MICAL2: variants seen among roughly 807,000 people sequenced by gnomAD.
MICAL2 encodes [F-actin]-monooxygenase MICAL2.
MICAL2 carries 77 observed loss-of-function variants against 127.3 expected under a neutral mutation model. The ratio of observed to expected loss-of-function variants is 0.60; its 90% CI spans 0.50 to 0.73. The LOEUF (loss-of-function observed/expected upper bound fraction) is 0.73, where lower values mean the gene tolerates loss of function less well. Among genes scored for constraint, MICAL2 ranks in the 30% least tolerant of loss-of-function variants. The pLI is 0.00. For missense variants in MICAL2, 1,351 were observed against 1,434.4 expected (o/e 0.94, Z 0.94); for synonymous variants, 570 against 551.1 (o/e 1.03, Z -0.48).
chr11:12,202,122 C>CA lies in MICAL2; in HGVS notation c.265-2116dup, dbSNP rs5789719. Among the ~76,000 whole-genome samples, 6 of 148,322 alleles carry CA rather than the reference C, an allele frequency of 4.0e-5. No homozygotes were observed. In the East Asian group the frequency reaches 7.9e-4, roughly 20 times the overall value. ...GGGCAACAAGAGTGAAACTGTGTCTCAAAAAAAAAAAAGACTTTTACCATT... is the reference window on the plus strand; with the variant it reads ...GGGCAACAAGAGTGAAACTGTGTCTCAAAAAAAAAAAAAGACTTTTACCATT... On this transcript the variant is annotated intron_variant, in intron 3 of 27. Transcript: ENST00000683283.
intron 21 of MICAL2, among the ~76,000 whole-genome samples, chr11:12,245,579 A>C (rs932902466): frequency 6.6e-6 from 1 of 152,214 alleles, no homozygotes; most frequent in Non-Finnish European, 1.5e-5. Flanking sequence ...GAGAAACGCT[A>C]ACAGGATCTT....
chr11:12,360,329 C>A (rs1939188960), downstream of MICAL2, among the ~76,000 whole-genome samples: 1 of 152,042 alleles, frequency 6.6e-6, no homozygotes, highest in Non-Finnish European at 1.5e-5. Flanking sequence ...GACCTATTAG[C>A]ACTAAGAAAT....
At chr11:12,128,246 A>T (rs1228788076) in intron 1 of MICAL2, among the ~76,000 whole-genome samples, 1 of 152,270 alleles carries the variant, frequency 6.6e-6, no homozygotes, top group Non-Finnish European at 1.5e-5. Flanking sequence ...CTTACCTTGA[A>T]GAAAATGATT....
intron 2 of MICAL2, among the ~76,000 whole-genome samples, chr11:12,159,808 A>G (rs955130483): frequency 6.6e-6 from 1 of 152,222 alleles, no homozygotes; most frequent in Non-Finnish European, 1.5e-5. Context: ...AACATTGCAC[A>G]TGGGGAAAGT....
At chr11:12,154,439 G>C (rs1335805650) in intron 2 of MICAL2, among the ~76,000 whole-genome samples, 1 of 152,108 alleles carries the variant, frequency 6.6e-6, no homozygotes. Flanking sequence ...ATGTAAGAGG[G>C]GTTGTAAAAG....
intron 32 of MICAL2, among the ~76,000 whole-genome samples, chr11:12,329,695 G>C (rs1221985927): frequency 6.6e-6 from 1 of 152,078 alleles, no homozygotes; most frequent in Non-Finnish European, 1.5e-5. Flanking sequence ...TATTGCCTAG[G>C]TTGTAGGCAT....
intron 3 of MICAL2, among the ~76,000 whole-genome samples, chr11:12,186,423 G>A (rs1225155008): frequency 6.6e-6 from 1 of 152,146 alleles, no homozygotes; most frequent in Non-Finnish European, 1.5e-5. Context: ...TTTGTAAAAG[G>A]CATCATAATT....
intron 1 of MICAL2, among the ~76,000 whole-genome samples, chr11:12,123,670 A>G (rs12790969): frequency 0.41 from 62,359 of 151,948 alleles, 13,491 homozygotes; most frequent in African/African-American, 0.56. Flanking sequence ...GGGTTTTAAG[A>G]CACATTCTGC....
chr11:12,153,164 C>A (rs1228008099), intron 2 of MICAL2: 1 of 151,676 alleles, frequency 6.6e-6, no homozygotes, highest in South Asian at 2.1e-4. Flanking sequence ...CCAAGTACCA[C>A]AAGTGGGACC....
At chr11:12,298,803 A>G (rs1590727783) in intron 29 of MICAL2, among the ~76,000 whole-genome samples, 2 of 152,276 alleles carry the variant, frequency 1.3e-5, no homozygotes, top group Admixed American at 1.3e-4. Context: ...TCGTAGATTT[A>G]TGGGTATTGA....
chr11:12,131,934 A>G (rs1851451137), intron 1 of MICAL2, among the ~76,000 whole-genome samples: 1 of 152,216 alleles, frequency 6.6e-6, no homozygotes, highest in Non-Finnish European at 1.5e-5. Flanking sequence ...AACATATGGC[A>G]GCCTTTGTTA....
chr11:12,220,077 TTA>T (rs923606165), intron 8 of MICAL2, 122 bp from the exon 9 acceptor site: 8 of 1,137,238 alleles, frequency 7.0e-6, no homozygotes, highest in African/African-American at 4.6e-5. Context: ...GTCCTGGTTT[TTA>T]TATGTCTTTT....
intron 29 of MICAL2, among the ~76,000 whole-genome samples, chr11:12,297,555 A>G (rs531695834): frequency 1.3e-5 from 2 of 152,140 alleles, no homozygotes; most frequent in African/African-American, 4.8e-5. Context: ...TTTTTATTGC[A>G]TGTCTTCTGG....
chr11:12,201,856 C>A (rs10831762), intron 3 of MICAL2, among the ~76,000 whole-genome samples: 27,750 of 152,242 alleles, frequency 0.18, 4,174 homozygotes, highest in East Asian at 0.43. Context: ...CAGTGGCTCA[C>A]GCCTGCAATC....
chr11:12,306,142 T>A (rs1425879680), intron 29 of MICAL2, among the ~76,000 whole-genome samples: 1 of 152,220 alleles, frequency 6.6e-6, no homozygotes, highest in African/African-American at 2.4e-5. Context: ...TAATAGGAGT[T>A]AGATGAAGAC....
chr11:12,114,325 C>A (rs775041753), intron 1 of MICAL2, among the ~76,000 whole-genome samples: 2 of 152,228 alleles, frequency 1.3e-5, no homozygotes, highest in East Asian at 1.9e-4. Context: ...CACTACTGCA[C>A]GTAACAGAAT....
rs1437571845 is a variant in MICAL2 at position 12,262,503 on chromosome 11, C to T, written c.3358C>T (p.His1120Tyr). ...PPVHFSLPVL[H>Y]PLLG ...AGTTCATTTCAGCCTTCCAGTGCTA[C>T]ACCCACTTCTTGGCTGACACACTTC... is the stretch of plus-strand genomic sequence containing the variant. The change falls in exon 27 of 28, where the codon CAC (histidine) becomes TAC (tyrosine). Residue 1120 changes from histidine to tyrosine, a missense_variant. Physicochemically the swap from His to Tyr is moderately conservative, Grantham distance 83. Around this residue, in one of 2 missense-constraint regions of MICAL2, gnomAD observed 752 missense variants for 719.4 expected, o/e 1.05. Transcript: ENST00000683283. 2.5e-6 allele frequency: 4 copies of T among 1,613,928 alleles called. No homozygotes were observed. The highest frequency in any genetic ancestry group is 1.6e-4 in the Middle Eastern group (1 of 6,062).
At chr11:12,307,430 G>T (rs1864125514) in intron 29 of MICAL2, among the ~76,000 whole-genome samples, 1 of 152,084 alleles carries the variant, frequency 6.6e-6, no homozygotes, top group African/African-American at 2.4e-5. Flanking sequence ...TTTTTAATAC[G>T]ATGAAGTCAA....
chr11:12,224,426 A>G, intron 12 of MICAL2: 1 of 489,234 alleles, frequency 2.0e-6, no homozygotes, highest in Non-Finnish European at 3.7e-6. Flanking sequence ...GGGCCTAAAC[A>G]CAGTAGGTCT....
Sources: allele counts gnomAD v4.1 joint callset (sites outside exome capture counted in the v4.1 genomes callset), GRCh38; gene constraint gnomAD v4.1.1; regional missense constraint gnomAD v4.1.1; transcripts MANE v1.5; gene names NCBI Gene and HGNC (gene_info 2026-07-23, HGNC 2026-07-21).